The following STK10 variants were observed in gnomAD, a reference collection of about 807,000 sequenced individuals.
STK10 encodes the protein serine/threonine kinase 10, also known as serine/threonine-protein kinase 10.
Under a neutral mutation model 113.8 loss-of-function variants are expected in STK10, and 78 were observed. The ratio of observed to expected loss-of-function variants is 0.69; its 90% confidence interval spans 0.57 to 0.83. The LOEUF (loss-of-function observed/expected upper bound fraction) is 0.83, where lower values mean the gene tolerates loss of function less well. Among genes scored for constraint, STK10 ranks in the 40% least tolerant of loss-of-function variants. The probability of loss-of-function intolerance (pLI) is 0.00; values close to 1 mark genes in which losing one functional copy is unlikely to be tolerated. For missense variants in STK10, 1,109 were observed against 1,280.1 expected (o/e 0.87, Z 2.04); for synonymous variants, 465 against 494.7 (o/e 0.94, Z 0.80).
chr5:172,109,903 C>T (rs970778962), intron 4 of STK10, among the ~76,000 whole-genome samples: 1 of 152,244 alleles, frequency 6.6e-6, no homozygotes, highest in African/African-American at 2.4e-5. Flanking sequence ...CTTCAGGCCA[C>T]CCCGGGCACC....
intron 2 of STK10, among the ~76,000 whole-genome samples, chr5:172,145,323 A>G (rs556873855): frequency 1.3e-5 from 2 of 152,332 alleles, no homozygotes; most frequent in East Asian, 3.9e-4. Context: ...GGACAAGGGT[A>G]AGAAGGGACA....
intron 7 of STK10, among the ~76,000 whole-genome samples, chr5:172,097,651 A>T (rs924032717): frequency 2.0e-5 from 3 of 152,072 alleles, no homozygotes; most frequent in African/African-American, 7.2e-5. Context: ...TTGTTTATTC[A>T]TCCTGCTGCT....
chr5:172,080,420 G>C (rs1768403631), intron 12 of STK10, among the ~76,000 whole-genome samples: 1 of 152,204 alleles, frequency 6.6e-6, no homozygotes, highest in Non-Finnish European at 1.5e-5. Context: ...AGTGAGGAAG[G>C]CATGGAGAAA....
At position 172,187,601 on chromosome 5, in the gene STK10, C is replaced by T. The variant is rs534270191; in HGVS notation, c.156+286G>A. Among the ~76,000 whole-genome samples the T allele has an allele frequency of 9.2e-5, 14 of 152,230 alleles. No homozygotes were observed. Among genetic ancestry groups the T allele is most frequent in the Admixed American group, 2.0e-4 (3 of 15,284 alleles). On this transcript the variant is annotated intron_variant, in intron 1 of 18. Transcript: ENST00000176763. This position sits in a 1 kb window ranked among gnomAD's most constrained non-coding sequence, Gnocchi z 4.6. ...TCCTGTCAACGCCCCTTTGTCTCCC[C>T]GTGCGGCGCCGAGCGCAGTGCAGGA... is the stretch of plus-strand genomic sequence containing the variant.
chr5:172,046,608 A>C (rs559482705), intron 18 of STK10, among the ~76,000 whole-genome samples: 1 of 152,338 alleles, frequency 6.6e-6, no homozygotes, highest in Admixed American at 6.5e-5. Flanking sequence ...TTTAAGCATT[A>C]TTCTGTTCTA....
At chr5:172,083,180 G>A in intron 10 of STK10, 96 bp from the exon 11 acceptor site, 1 of 1,542,362 alleles carries the variant, frequency 6.5e-7, no homozygotes, top group Non-Finnish European at 8.8e-7. Context: ...GGATCATGGA[G>A]CAAAATCACA....
intron 14 of STK10, among the ~76,000 whole-genome samples, chr5:172,060,914 T>C (rs1767917076): frequency 6.6e-6 from 1 of 152,222 alleles, no homozygotes; most frequent in African/African-American, 2.4e-5. Context: ...TCTTTTCTTC[T>C]CTTGACTTCT....
chr5:172,048,887 C>T (rs1036446881), intron 18 of STK10, among the ~76,000 whole-genome samples: 5 of 152,046 alleles, frequency 3.3e-5, no homozygotes, highest in African/African-American at 4.8e-5. Flanking sequence ...CCACTCTCTC[C>T]GGCCGCAGGG....
chr5:172,066,690 G>T (rs1768078180), intron 12 of STK10, among the ~76,000 whole-genome samples: 3 of 152,202 alleles, frequency 2.0e-5, no homozygotes, highest in Non-Finnish European at 2.9e-5. Context: ...TGGGAAGGAG[G>T]CATGAGAATC....
chr5:172,052,995 C>T lies in STK10; in HGVS notation c.2700G>A (p.Lys900=), dbSNP rs1322527602. 2 of 1,614,212 alleles carry T rather than the reference C, an allele frequency of 1.2e-6. No homozygotes were observed. The highest frequency in any genetic ancestry group is 8.5e-7 in the Non-Finnish European group (1 of 1,180,042). Residue 900 remains lysine, a synonymous_variant, in exon 18 of 19, where the codon AAG becomes AAA. Transcript: ENST00000176763. ...LLVEHETQKL[K]ALDESHNQNL... is the part of the protein sequence containing the mutation. ...TCTGGTTATGGCTCTCATCCAGGGCCTTCAGTTTCTGGGTTTCGTGCTCTA... is the reference window on the plus strand; with the variant it reads ...TCTGGTTATGGCTCTCATCCAGGGCTTTCAGTTTCTGGGTTTCGTGCTCTA...
chr5:172,152,129 C>G (rs577490337), intron 2 of STK10, among the ~76,000 whole-genome samples: 9 of 152,366 alleles, frequency 5.9e-5, no homozygotes, highest in Admixed American at 2.6e-4. Context: ...TTCTTCCACT[C>G]ACTTGTCACT....
chr5:172,074,894 C>T (rs1768274521), intron 12 of STK10, among the ~76,000 whole-genome samples: 1 of 152,038 alleles, frequency 6.6e-6, no homozygotes. Flanking sequence ...TGGCGCATGT[C>T]TGTAATCCCA....
At chr5:172,056,954 G>GAAAGAAA (rs1767795788) in intron 15 of STK10, 1 of 78,952 alleles carries the variant, frequency 1.3e-5, no homozygotes, top group African/African-American at 6.6e-5. Context: ...AAAGAAAGAA[G>GAAAGAAA]GAAAGAAAGA....
At chr5:172,129,916 C>G (rs1561818845) in intron 2 of STK10, among the ~76,000 whole-genome samples, 1 of 152,160 alleles carries the variant, frequency 6.6e-6, no homozygotes. Flanking sequence ...CAGGTCGGGA[C>G]TCAGTTATGT....
intron 1 of STK10, among the ~76,000 whole-genome samples, chr5:172,159,132 T>C (rs1305095102): frequency 6.6e-6 from 1 of 152,176 alleles, no homozygotes; most frequent in African/African-American, 2.4e-5. Context: ...GGAGCTAGTG[T>C]CTGGGAAATG....
chr5:172,135,197 A>G (rs1038189457), intron 2 of STK10, among the ~76,000 whole-genome samples: 1 of 152,164 alleles, frequency 6.6e-6, no homozygotes, highest in Non-Finnish European at 1.5e-5. Flanking sequence ...CACTTCACAC[A>G]TGCTAGAATG....
chr5:172,080,399 T>C (rs1387829586), intron 12 of STK10, among the ~76,000 whole-genome samples: 1 of 152,140 alleles, frequency 6.6e-6, no homozygotes, highest in Non-Finnish European at 1.5e-5. Context: ...AAGCTAGAAA[T>C]GATGAAGCTT....
At chr5:172,052,849 C>T (rs532372435) in intron 18 of STK10, 80 bp downstream of exon 18, 33 of 1,355,502 alleles carry the variant, frequency 2.4e-5, no homozygotes, top group Non-Finnish European at 2.9e-5. Flanking sequence ...AATAAGGAGA[C>T]CTAACATGTC....
intron 7 of STK10, among the ~76,000 whole-genome samples, chr5:172,098,961 C>T (rs1768916748): frequency 7.7e-6 from 1 of 130,614 alleles, no homozygotes. Context: ...TCATCACCTT[C>T]ACCACCATCA....
Sources: gnomAD v4.1 joint callset for allele counts (sites outside exome capture counted in the v4.1 genomes callset) on GRCh38, gnomAD v4.1.1 for gene constraint, Gnocchi (gnomAD v3.1) non-coding constraint, MANE v1.5 for transcripts, NCBI Gene and HGNC (gene_info 2026-07-23, HGNC 2026-07-21) for gene names.